The following RBMS1 variants were observed in gnomAD, a reference collection of about 807,000 sequenced individuals.
RBMS1 encodes RNA binding motif single stranded interacting protein 1.
In RBMS1, 17 loss-of-function variants were observed where a neutral mutation model predicts 62.3. The ratio of observed to expected loss-of-function variants is 0.27; its 90% CI spans 0.19 to 0.41. The LOEUF (loss-of-function observed/expected upper bound fraction) is 0.41, where lower values mean the gene tolerates loss of function less well. RBMS1 is among the 10% of genes least tolerant of loss of function. The pLI, the probability that RBMS1 is intolerant of heterozygous loss-of-function variation, is 1.00. For synonymous variants in RBMS1, 172 were observed against 170.0 expected (o/e 1.01, Z -0.09); for missense variants, 334 against 504.5 (o/e 0.66, Z 3.24).
At chr2:160,485,427 A>T (rs1685560825) in intron 1 of RBMS1, among the ~76,000 whole-genome samples, 1 of 152,218 alleles carries the variant, frequency 6.6e-6, no homozygotes, top group African/African-American at 2.4e-5. Flanking sequence ...GAAACATCTG[A>T]TGTGGTGATT....
At chr2:160,307,113 C>T (rs576953812) in intron 4 of RBMS1, among the ~76,000 whole-genome samples, 77 of 152,126 alleles carry the variant, frequency 5.1e-4, no homozygotes, top group African/African-American at 1.8e-3. Flanking sequence ...TCCTGCACAG[C>T]GTAAAGCACT....
At chr2:160,439,500 G>T (rs1364538779) in intron 1 of RBMS1, among the ~76,000 whole-genome samples, 24 of 151,718 alleles carry the variant, frequency 1.6e-4, no homozygotes, top group Non-Finnish European at 2.8e-4. Flanking sequence ...ATGTGATGGC[G>T]GCCGGGAGGA....
intron 1 of RBMS1, among the ~76,000 whole-genome samples, chr2:160,450,564 G>GAAA (rs1181640365): frequency 0.28 from 15,526 of 55,338 alleles, 2,279 homozygotes; most frequent in Admixed American, 0.42. Flanking sequence ...AATAAAAAAT[G>GAAA]AAAAAAAAAA....
chr2:160,272,460 C>T lies in RBMS1; in HGVS notation c.*2312G>A, dbSNP rs1687628190. The T allele has an allele frequency of 6.6e-6, 1 of 151,304 alleles. No individual in the cohort carries two copies. Among genetic ancestry groups the T allele is most frequent in the African/African-American group, 2.4e-5 (1 of 41,146 alleles). 9.4% of individuals were successfully genotyped at this position (151,304 alleles called of 1,614,324 possible). On this transcript the variant is annotated 3_prime_UTR_variant, in exon 14 of 14. Coordinates refer to ENST00000348849, the MANE Select transcript of RBMS1 (RefSeq NM_016836.4). ...TTTTTTATAATTTAATGGCTGTCTA[C>T]TATGTGATGTTTAACTGATTTTTTT...
At chr2:160,426,293 A>AAAGAAAGAAAGAAAGAAAG (rs1559537439) in intron 1 of RBMS1, among the ~76,000 whole-genome samples, 2 of 60,424 alleles carry the variant, frequency 3.3e-5, no homozygotes, top group East Asian at 5.2e-4. Context: ...AAGAAAGAAA[A>AAAGAAAGAAAGAAAGAAAG]GAAAGAAGGA....
At chr2:160,305,680 G>A (rs998060160) in intron 4 of RBMS1, among the ~76,000 whole-genome samples, 3 of 152,146 alleles carry the variant, frequency 2.0e-5, no homozygotes, top group Admixed American at 6.6e-5. Flanking sequence ...GAAAAATAGG[G>A]CGGTTTTGGC....
At chr2:160,484,870 C>CAAA (rs756811005) in intron 1 of RBMS1, among the ~76,000 whole-genome samples, 3,621 of 129,180 alleles carry the variant, frequency 0.028, 116 homozygotes, top group African/African-American at 0.074. Flanking sequence ...GACTCCGTCT[C>CAAA]AAAAAAAAAA....
At chr2:160,456,674 A>C (rs1009639645) in intron 1 of RBMS1, among the ~76,000 whole-genome samples, 3 of 152,176 alleles carry the variant, frequency 2.0e-5, no homozygotes, top group African/African-American at 7.2e-5. Context: ...CCTTCACCAC[A>C]TGGAAGCTGA....
intron 5 of RBMS1, chr2:160,302,808 CA>C (rs71003484): frequency 2.3e-3 from 312 of 137,228 alleles, no homozygotes; most frequent in East Asian, 8.0e-3. Flanking sequence ...TTATTTCTCA[CA>C]AAAAAAAAAA....
At chr2:160,284,413 A>G (rs1484334718) in intron 9 of RBMS1, 1 of 222,478 alleles carries the variant, frequency 4.5e-6, no homozygotes, top group Non-Finnish European at 9.0e-6. Flanking sequence ...AATAAACAAA[A>G]GCAAGGGTAC....
chr2:160,469,379 T>C (rs1684826169), intron 1 of RBMS1, among the ~76,000 whole-genome samples: 1 of 152,166 alleles, frequency 6.6e-6, no homozygotes, highest in Admixed American at 6.5e-5. Context: ...TCTTTGGTTC[T>C]TGTTGCCACC....
rs1290945157 is a variant in RBMS1 at position 160,362,787 on chromosome 2, A to T, written c.251+4429T>A. Among the ~76,000 whole-genome samples the T allele has an allele frequency of 7.9e-5, 12 of 151,942 alleles. No homozygotes were observed. The East Asian group carries it at 1.5e-3, about 20-fold the overall frequency. On this transcript the variant is annotated intron_variant, in intron 2 of 13. Transcript: ENST00000348849. ...AAACCTTCAATTTGTATTTTTTTTT[A>T]AAAGCAGTATCTGCAAAGCACAGTA...
chr2:160,300,841 A>C (rs1254863405), intron 5 of RBMS1, 111 bp from the exon 6 acceptor site: 1 of 1,207,110 alleles, frequency 8.3e-7, no homozygotes, highest in Admixed American at 3.4e-5. Context: ...AATGAAACCT[A>C]GTAAAAATGT....
intron 6 of RBMS1, among the ~76,000 whole-genome samples, chr2:160,288,259 G>A (rs1021633632): frequency 1.3e-5 from 2 of 152,082 alleles, no homozygotes; most frequent in African/African-American, 4.8e-5. Flanking sequence ...TTCAAGTTCT[G>A]TTTCAAAGTT....
At chr2:160,327,074 C>T (rs532596576) in intron 2 of RBMS1, among the ~76,000 whole-genome samples, 2 of 152,224 alleles carry the variant, frequency 1.3e-5, no homozygotes, top group Non-Finnish European at 2.9e-5. Context: ...AGCTGCCTTA[C>T]AGCATGTGAG....
chr2:160,304,990 G>T (rs549161396), intron 4 of RBMS1, among the ~76,000 whole-genome samples: 1 of 152,226 alleles, frequency 6.6e-6, no homozygotes, highest in South Asian at 2.1e-4. Context: ...GAGTAGCTGG[G>T]ACTACAGGCA....
At chr2:160,470,993 C>T (rs950943301) in intron 1 of RBMS1, among the ~76,000 whole-genome samples, 1 of 152,128 alleles carries the variant, frequency 6.6e-6, no homozygotes, top group African/African-American at 2.4e-5. Flanking sequence ...AGCACCCTAC[C>T]CTTTCATTGC....
intron 1 of RBMS1, among the ~76,000 whole-genome samples, chr2:160,376,071 A>G (rs939757516): frequency 6.6e-6 from 1 of 152,270 alleles, no homozygotes; most frequent in East Asian, 1.9e-4. Context: ...TACAGTCTGT[A>G]TCTTAGTATT....
At chr2:160,409,900 AATACTAAGAT>A (rs1327239200) in intron 1 of RBMS1, among the ~76,000 whole-genome samples, 6 of 152,304 alleles carry the variant, frequency 3.9e-5, no homozygotes, top group African/African-American at 1.4e-4. Flanking sequence ...TCTAATACTA[AATACTAAGAT>A]ATACTAAGAA....
Sources: allele counts gnomAD v4.1 joint callset (sites outside exome capture counted in the v4.1 genomes callset), GRCh38; gene constraint gnomAD v4.1.1; transcripts MANE v1.5; gene names NCBI Gene and HGNC (gene_info 2026-07-23, HGNC 2026-07-21).